Variants in SLC25A13 observed in about 807,000 individuals in gnomAD.
The protein encoded by SLC25A13 is electrogenic aspartate/glutamate antiporter SLC25A13, mitochondrial.
A neutral mutation model predicts 85.5 loss-of-function variants in SLC25A13; 70 were observed. That is an observed-to-expected ratio of 0.82 (90% confidence interval 0.68 to 1.00). The LOEUF is 1.00. Ranked by LOEUF, SLC25A13 falls within the 50% of genes least tolerant of loss-of-function variation. The pLI, the probability that SLC25A13 is intolerant of heterozygous loss-of-function variation, is 0.00. For synonymous variants in SLC25A13, 259 were observed against 288.7 expected (o/e 0.90, Z 1.04); for missense variants, 765 against 819.8 (o/e 0.93, Z 0.82).
At chr7:96,122,553 T>C (rs1791556407) in intron 15 of SLC25A13, among the ~76,000 whole-genome samples, 1 of 151,516 alleles carries the variant, frequency 6.6e-6, no homozygotes, top group Admixed American at 6.6e-5. Flanking sequence ...AAAAACACTA[T>C]GTGTGTTGGG....
At chr7:96,298,758 C>A (rs766090726) in intron 1 of SLC25A13, among the ~76,000 whole-genome samples, 1 of 152,068 alleles carries the variant, frequency 6.6e-6, no homozygotes, top group Non-Finnish European at 1.5e-5. Flanking sequence ...TTTTAAAAAT[C>A]CTGAATTAGT....
intron 11 of SLC25A13, 31 bp downstream of exon 11, chr7:96,184,246 A>C (rs1323389806): frequency 3.7e-6 from 6 of 1,613,196 alleles, no homozygotes; most frequent in Non-Finnish European, 5.1e-6. Flanking sequence ...GTGTTATTTC[A>C]CCTAACAGGT....
intron 5 of SLC25A13, among the ~76,000 whole-genome samples, chr7:96,203,634 T>C (rs1338675310): frequency 6.6e-6 from 1 of 152,200 alleles, no homozygotes; most frequent in Admixed American, 6.5e-5. Context: ...AACAGAAATA[T>C]TGAATTTTGT....
At position 96,245,015 on chromosome 7, in the gene SLC25A13, C is replaced by G. The variant is rs1289796949; in HGVS notation, c.213-10098G>C. Among the ~76,000 whole-genome samples, 3 of 152,074 alleles carry G rather than the reference C, an allele frequency of 2.0e-5. No homozygotes were observed. The East Asian group carries it at 5.8e-4, about 29-fold the overall frequency. On this transcript the variant is annotated intron_variant, in intron 3 of 17. Coordinates refer to ENST00000265631, the MANE Select transcript of SLC25A13 (RefSeq NM_014251.3). ...GAGCTTAACTCAGTAAGTGATCTGT[C>G]CATACTGCCAGCTCTACTTGGCAGC...
At chr7:96,186,286 G>A (rs755825814) in intron 9 of SLC25A13, among the ~76,000 whole-genome samples, 91 of 152,032 alleles carry the variant, frequency 6.0e-4, no homozygotes, top group Admixed American at 1.4e-3. Flanking sequence ...AAAATTAGCC[G>A]GACGTGGTGG....
chr7:96,258,685 GAC>G (rs1562883493), intron 3 of SLC25A13, among the ~76,000 whole-genome samples: 1 of 152,090 alleles, frequency 6.6e-6, no homozygotes, highest in East Asian at 1.9e-4. Flanking sequence ...AACTACCATT[GAC>G]TTCCTTCACA....
intron 1 of SLC25A13, among the ~76,000 whole-genome samples, chr7:96,305,261 A>G (rs1799702425): frequency 6.6e-6 from 1 of 152,202 alleles, no homozygotes. Context: ...GGATATTCCC[A>G]GAGTTTAGCA....
chr7:96,169,106 A>C (rs1245444978), intron 13 of SLC25A13, among the ~76,000 whole-genome samples: 1 of 152,220 alleles, frequency 6.6e-6, no homozygotes, highest in African/African-American at 2.4e-5. Context: ...TCTCTAAAGA[A>C]TACCAGGAGC....
chr7:96,197,020 T>C (rs1009684900), intron 5 of SLC25A13, among the ~76,000 whole-genome samples: 4 of 152,192 alleles, frequency 2.6e-5, no homozygotes, highest in Admixed American at 6.5e-5. Context: ...TTAACCTCAC[T>C]ATAGCAGTTG....
intron 5 of SLC25A13, among the ~76,000 whole-genome samples, chr7:96,200,872 A>G (rs1485796170): frequency 6.6e-6 from 1 of 152,204 alleles, no homozygotes; most frequent in Non-Finnish European, 1.5e-5. Context: ...ACACAACAGC[A>G]CAATGAATCC....
intron 2 of SLC25A13, chr7:96,283,492 A>C (rs1307417983): frequency 4.8e-6 from 2 of 413,322 alleles, no homozygotes; most frequent in Non-Finnish European, 9.5e-6. Context: ...TAAGGGAATG[A>C]GTACTGTTCA....
chr7:96,312,827 G>A (rs1000812795), intron 1 of SLC25A13, among the ~76,000 whole-genome samples: 5 of 152,162 alleles, frequency 3.3e-5, no homozygotes, highest in Non-Finnish European at 7.3e-5. Context: ...TACAGCAATG[G>A]TACAGCTACA....
intron 4 of SLC25A13, among the ~76,000 whole-genome samples, chr7:96,234,414 G>A (rs1796667602): frequency 1.3e-5 from 2 of 152,166 alleles, no homozygotes; most frequent in African/African-American, 4.8e-5. Flanking sequence ...AAGACAAGAA[G>A]TATAGGGTGC....
rs1224669165 is a variant in SLC25A13 at position 96,120,714 on chromosome 7, C to T, written c.*477G>A. 1 of 454,280 alleles carries T rather than the reference C, an allele frequency of 2.2e-6. No individual in the cohort carries two copies. Among genetic ancestry groups the T allele is most frequent in the Non-Finnish European group, 4.4e-6 (1 of 226,826 alleles). The allele number at this position is 454,280 out of a possible 1,614,324, so 28.1% of individuals were successfully genotyped here. On this transcript the variant is annotated 3_prime_UTR_variant, in exon 18 of 18. Coordinates refer to ENST00000265631, the MANE Select transcript of SLC25A13 (RefSeq NM_014251.3). ...ATTTGTGCATGCTTACAATTTGAAG[C>T]CAGGCTGAATATATTTGATATATAT...
In SLC25A13 at chr7:96,232,660, A is replaced by C. The variant is rs577533979; in HGVS notation, c.328+2142T>G. ...CCCAAAGAAAAATGAAAAAAAAAAA[A>C]AAAAACAGAAAATCTTTTCCTCTTT... On this transcript the variant is annotated intron_variant, in intron 4 of 17. Coordinates refer to ENST00000265631, the MANE Select transcript of SLC25A13 (RefSeq NM_014251.3). Among the ~76,000 whole-genome samples, 10 of 151,756 alleles carry C rather than the reference A, an allele frequency of 6.6e-5. No individual in the cohort carries two copies. The South Asian group carries it at 1.9e-3, about 28-fold the overall frequency.
intron 15 of SLC25A13, among the ~76,000 whole-genome samples, chr7:96,128,874 A>C (rs1323222241): frequency 6.7e-6 from 1 of 150,130 alleles, no homozygotes; most frequent in Non-Finnish European, 1.5e-5. Context: ...TGTGACATTC[A>C]CGCCTCTGCT....
chr7:96,271,413 T>C (rs759072182), intron 3 of SLC25A13, among the ~76,000 whole-genome samples: 16 of 152,246 alleles, frequency 1.1e-4, no homozygotes, highest in Non-Finnish European at 1.9e-4. Flanking sequence ...AGGTTTGTTA[T>C]AGGGCAAAGG....
At chr7:96,291,796 A>G (rs1799130199) in intron 2 of SLC25A13, among the ~76,000 whole-genome samples, 3 of 152,338 alleles carry the variant, frequency 2.0e-5, no homozygotes, top group Middle Eastern at 3.4e-3. Context: ...ATAGCCTACC[A>G]ACCAAAAAAA....
At chr7:96,253,195 A>G (rs1797502249) in intron 3 of SLC25A13, among the ~76,000 whole-genome samples, 1 of 152,174 alleles carries the variant, frequency 6.6e-6, no homozygotes, top group Non-Finnish European at 1.5e-5. Context: ...GAATCTGAAG[A>G]GGAAAGTGCA....
Sources: allele counts gnomAD v4.1 joint callset (sites outside exome capture counted in the v4.1 genomes callset), GRCh38; gene constraint gnomAD v4.1.1; transcripts MANE v1.5; gene names NCBI Gene and HGNC (gene_info 2026-07-23, HGNC 2026-07-21).